Variants in TPPP observed in about 807,000 individuals in gnomAD.
The protein encoded by TPPP is tubulin polymerization promoting protein.
A neutral mutation model predicts 15.5 loss-of-function variants in TPPP; 6 were observed. That is an observed-to-expected ratio of 0.39 (90% CI 0.21 to 0.77). The LOEUF (loss-of-function observed/expected upper bound fraction) is 0.77. Ranked by LOEUF, TPPP falls within the 30% of genes least tolerant of loss-of-function variation. The pLI is 0.42. For missense variants in TPPP, 269 were observed against 307.2 expected, an observed-to-expected ratio of 0.88 and a Z score of 0.93; for synonymous variants, 146 against 133.9, an observed-to-expected ratio of 1.09 and a Z score of -0.63.
intron 2 of TPPP, among the ~76,000 whole-genome samples, chr5:669,678 G>A (rs183499329): frequency 1.4e-4 from 22 of 152,198 alleles, no homozygotes; most frequent in Admixed American, 1.4e-3. Context: ...TGGCTGAGGG[G>A]CTCCCCCATC....
the TPPP span, among the ~76,000 whole-genome samples, chr5:699,498 C>A: frequency 6.6e-6 from 1 of 152,120 alleles, no homozygotes; most frequent in African/African-American, 2.4e-5. Context: ...AAACATAGGA[C>A]CAAACACTAT....
chr5:681,432 G>A (rs1740618182), intron 1 of TPPP, among the ~76,000 whole-genome samples: 2 of 152,114 alleles, frequency 1.3e-5, no homozygotes, highest in Admixed American at 1.3e-4. Context: ...CATGTGCCCA[G>A]CACTCCCAGG....
intron 2 of TPPP, among the ~76,000 whole-genome samples, chr5:666,396 G>C (rs1739915722): frequency 6.6e-6 from 1 of 152,238 alleles, no homozygotes; most frequent in East Asian, 1.9e-4. Context: ...CAGTGCCGGA[G>C]GCCATTAGGC....
the TPPP span, among the ~76,000 whole-genome samples, chr5:699,625 TA>T: frequency 6.6e-6 from 1 of 151,826 alleles, no homozygotes; most frequent in Non-Finnish European, 1.5e-5. Context: ...AAATGGAACT[TA>T]AACTAGAAAC....
chr5:677,691 C>A (rs1740494860), intron 2 of TPPP, 59 bp downstream of exon 2: 2 of 1,473,956 alleles, frequency 1.4e-6, no homozygotes, highest in South Asian at 2.7e-5. Context: ...CACCCAGGGG[C>A]TCAGGGCCGC....
chr5:667,540 A>G (rs867560818), intron 2 of TPPP, among the ~76,000 whole-genome samples: 2 of 152,192 alleles, frequency 1.3e-5, no homozygotes, highest in Non-Finnish European at 2.9e-5. Context: ...AACATGGCCT[A>G]TAGTGGAAAA....
At chr5:684,916 G>A (rs1183262318) in intron 1 of TPPP, among the ~76,000 whole-genome samples, 1 of 152,178 alleles carries the variant, frequency 6.6e-6, no homozygotes, top group East Asian at 1.9e-4. Flanking sequence ...GAGGCAGGAT[G>A]ATCAGCCGCT....
At chr5:675,305 TGGGAGGTA>T (rs1404440885) in intron 2 of TPPP, among the ~76,000 whole-genome samples, 1 of 44,766 alleles carries the variant, frequency 2.2e-5, no homozygotes, top group African/African-American at 1.0e-4. Flanking sequence ...GGGTGCAGCG[TGGGAGGTA>T]CAGTGTGGCC....
At chr5:694,177 C>T (rs1214978386), upstream of TPPP, among the ~76,000 whole-genome samples, 5 of 151,320 alleles carry the variant, frequency 3.3e-5, no homozygotes, top group African/African-American at 1.2e-4. Flanking sequence ...ACAGGCTTTG[C>T]GGAGGGGGCT....
rs576489291 is a variant in TPPP, at chr5:678,068, T to C, written c.-4-4A>G. 199 of 1,532,196 alleles carry C rather than the reference T, an allele frequency of 1.3e-4. No individual in the cohort carries two copies. The African/African-American group carries it at 2.1e-3, about 16-fold the overall frequency. 94.9% of individuals were successfully genotyped at this position (1,532,196 alleles called of 1,614,324 possible). ...CTTGGCCTTGTCAGCCATGTTGCTATGGAGGAAGGAGAGGAGAAAGGTGTC... is the reference window on the plus strand; with the variant it reads ...CTTGGCCTTGTCAGCCATGTTGCTACGGAGGAAGGAGAGGAGAAAGGTGTC... On this transcript the variant is annotated splice_polypyrimidine_tract_variant and splice_region_variant and intron_variant, in intron 1 of 3. Coordinates refer to ENST00000360578, the MANE Select transcript of TPPP (RefSeq NM_007030.3).
At chr5:670,606 G>A (rs548560477) in intron 2 of TPPP, among the ~76,000 whole-genome samples, 21 of 152,204 alleles carry the variant, frequency 1.4e-4, no homozygotes, top group South Asian at 2.1e-4. Flanking sequence ...GTAGGGACGC[G>A]GCCTTAGGGG....
At chr5:670,031 C>G (rs1030364463) in intron 2 of TPPP, among the ~76,000 whole-genome samples, 3 of 152,198 alleles carry the variant, frequency 2.0e-5, no homozygotes, top group Non-Finnish European at 1.5e-5. Context: ...GCAGCCGCTG[C>G]TCATACACGA....
At chr5:684,578 A>G (rs1405321013) in intron 1 of TPPP, among the ~76,000 whole-genome samples, 2 of 104,594 alleles carry the variant, frequency 1.9e-5, no homozygotes, top group Admixed American at 1.8e-4. Context: ...CTGTCCCACC[A>G]AGGGGCCTTC....
chr5:681,345 T>C (rs536149636), intron 1 of TPPP, among the ~76,000 whole-genome samples: 1 of 152,250 alleles, frequency 6.6e-6, no homozygotes, highest in South Asian at 2.1e-4. Flanking sequence ...CCCAGGCGTG[T>C]ACCCACCATC....
rs767137996 is a variant in TPPP, at chr5:666,059, T to C, written c.376A>G (p.Lys126Glu). Reference sequence around the variant, plus strand: ...TCGCTGCTCTTGTCTTTGAATCGCTTCTTGGCGAGCTCCTCCAGCGCCTCC... The same window carrying C: ...TCGCTGCTCTTGTCTTTGAATCGCTCCTTGGCGAGCTCCTCCAGCGCCTCC... ...FQEALEELAK[K>E]RFKDKSSEEA... The change falls in exon 3 of 4, where the codon AAG (lysine) becomes GAG (glutamate). Residue 126 changes from lysine (K) to glutamate (E), a missense_variant. By Grantham distance (56) the Lys-to-Glu change is moderately conservative. Coordinates refer to ENST00000360578, the MANE Select transcript of TPPP (RefSeq NM_007030.3). 1.9e-6 allele frequency: 3 copies of C among 1,612,266 alleles called. No homozygotes were observed. The highest frequency in any genetic ancestry group is 2.2e-5 in the South Asian group (2 of 91,044).
the TPPP span, among the ~76,000 whole-genome samples, chr5:698,690 T>C: frequency 6.6e-6 from 1 of 151,960 alleles, no homozygotes; most frequent in Non-Finnish European, 1.5e-5. Flanking sequence ...AATTGTCTCC[T>C]AGCTGGTCCC....
Position 663,656 on chromosome 5 carries a change from A to G in TPPP, c.*1446T>C, listed in dbSNP as rs1286827942. 1.3e-5 allele frequency: 2 copies of G among 152,538 alleles called. No individual in the cohort carries two copies. Among genetic ancestry groups the G allele is most frequent in the African/African-American group, 4.8e-5 (2 of 41,450 alleles). The allele number at this position is 152,538 out of a possible 1,614,324, so 9.4% of individuals were successfully genotyped here. ...GAGGCGGGTGGTGCTCATGCGTGCC[A>G]GTGAGGGAGGGGCCTCGCCACCCTC... On this transcript the variant is annotated 3_prime_UTR_variant, in exon 4 of 4. Coordinates refer to ENST00000360578, the MANE Select transcript of TPPP (RefSeq NM_007030.3).
intron 2 of TPPP, among the ~76,000 whole-genome samples, chr5:671,577 C>T (rs1740225878): frequency 6.6e-6 from 1 of 152,240 alleles, no homozygotes; most frequent in Non-Finnish European, 1.5e-5. Context: ...AGACGGGTGC[C>T]TGTCGCCGCA....
intron 2 of TPPP, among the ~76,000 whole-genome samples, chr5:670,147 C>G (rs1227432511): frequency 6.6e-6 from 1 of 152,200 alleles, no homozygotes; most frequent in East Asian, 1.9e-4. Flanking sequence ...CCTCCAGGAG[C>G]TGGGCTCAGG....
Sources: gnomAD v4.1 joint callset for allele counts (sites outside exome capture counted in the v4.1 genomes callset) on GRCh38, gnomAD v4.1.1 for gene constraint, MANE v1.5 for transcripts, NCBI Gene and HGNC (gene_info 2026-07-23, HGNC 2026-07-21) for gene names.